The following ZNF385D variants were observed in gnomAD, a reference collection of about 807,000 sequenced individuals.
ZNF385D encodes the protein zinc finger protein 385D, also known as zinc finger protein 659.
ZNF385D carries 15 observed loss-of-function variants against 35.8 expected under a neutral mutation model. The ratio of observed to expected loss-of-function variants is 0.42; its 90% CI spans 0.28 to 0.64. ZNF385D has a LOEUF of 0.64. ZNF385D is among the 30% of genes least tolerant of loss of function. The pLI is 0.23. For missense variants in ZNF385D, 474 were observed against 494.6 expected, an observed-to-expected ratio of 0.96 and a Z score of 0.39; for synonymous variants, 212 against 186.8, an observed-to-expected ratio of 1.13 and a Z score of -1.10.
At chr3:21,526,804 A>C (rs996917070) in intron 3 of ZNF385D, among the ~76,000 whole-genome samples, 1 of 152,220 alleles carries the variant, frequency 6.6e-6, no homozygotes, top group African/African-American at 2.4e-5. Flanking sequence ...ATGCTTGGTC[A>C]TGAATTAGCT....
In ZNF385D at chr3:22,196,507, A is replaced by G. The variant is rs150209980; in HGVS notation, c.107-27472T>C. ...CTTTCTCTTGCATTTTGACTGAACTATTTTGTTTTTATTGCATTTATTCTC... is the reference window on the plus strand; with the variant it reads ...CTTTCTCTTGCATTTTGACTGAACTGTTTTGTTTTTATTGCATTTATTCTC... On this transcript the variant is annotated intron_variant, in intron 2 of 5. Transcript: ENST00000494108. Among the ~76,000 whole-genome samples the G allele has an allele frequency of 1.3e-3, 200 of 151,610 alleles. 2 individuals are homozygous for G. Among genetic ancestry groups the G allele is most frequent in the African/African-American group, 4.5e-3 (186 of 41,374 alleles).
chr3:22,269,808 G>C (rs1265235417), intron 2 of ZNF385D, among the ~76,000 whole-genome samples: 1 of 151,662 alleles, frequency 6.6e-6, no homozygotes, highest in Admixed American at 6.6e-5. Flanking sequence ...TCCTCTGCTT[G>C]TCTGAATCTC....
intron 2 of ZNF385D, among the ~76,000 whole-genome samples, chr3:22,359,846 C>T (rs935533278): frequency 2.0e-5 from 3 of 151,834 alleles, no homozygotes; most frequent in Non-Finnish European, 4.4e-5. Flanking sequence ...ATTTATATTT[C>T]TTGGCCATAT....
Position 21,632,236 on chromosome 3 carries a change from T to C in ZNF385D, c.165+32650A>G, listed in dbSNP as rs181569643. ...GGTAGAGAGATGGATACTAAATAAA[T>C]TTGTAAAATAATGTTGGATTTTTGG... On this transcript the variant is annotated intron_variant, in intron 2 of 7. Coordinates refer to ENST00000281523, the MANE Select transcript of ZNF385D (RefSeq NM_024697.3). Among the ~76,000 whole-genome samples, 146 of 152,174 alleles carry C rather than the reference T, an allele frequency of 9.6e-4. 2 individuals are homozygous for C. Among genetic ancestry groups the C allele is most frequent in the African/African-American group, 3.1e-3 (127 of 41,538 alleles).
At chr3:21,924,093 A>T (rs1035177870) in intron 3 of ZNF385D, among the ~76,000 whole-genome samples, 12 of 152,232 alleles carry the variant, frequency 7.9e-5, no homozygotes, top group African/African-American at 2.7e-4. Context: ...ATAATAAAAT[A>T]GCTCAATCAA....
At chr3:21,975,759 ACACT>A (rs1314184677) in intron 3 of ZNF385D, among the ~76,000 whole-genome samples, 4 of 133,746 alleles carry the variant, frequency 3.0e-5, no homozygotes, top group Non-Finnish European at 4.9e-5. Flanking sequence ...ATATATACAC[ACACT>A]ATGGTATCCA....
chr3:21,740,958 A>G (rs1176570342), intron 1 of ZNF385D, among the ~76,000 whole-genome samples: 1 of 152,170 alleles, frequency 6.6e-6, no homozygotes, highest in African/African-American at 2.4e-5. Flanking sequence ...AAAGTTCCCC[A>G]GGTGATTCTT....
intron 1 of ZNF385D, among the ~76,000 whole-genome samples, chr3:21,702,126 G>T (rs1428575539): frequency 6.6e-6 from 1 of 152,204 alleles, no homozygotes; most frequent in Admixed American, 6.5e-5. Flanking sequence ...CTTCTGTACT[G>T]CCCTAGCAGA....
At chr3:22,327,361 A>T (rs1395100728) in intron 2 of ZNF385D, among the ~76,000 whole-genome samples, 4 of 152,174 alleles carry the variant, frequency 2.6e-5, no homozygotes, top group African/African-American at 7.2e-5. Flanking sequence ...AGTAGAAAAA[A>T]ATCACCATGT....
intron 3 of ZNF385D, among the ~76,000 whole-genome samples, chr3:21,884,315 A>C (rs1698429427): frequency 1.3e-5 from 2 of 152,188 alleles, no homozygotes; most frequent in South Asian, 4.1e-4. Context: ...CTCTGAAAGT[A>C]GCCTTGCCTA....
chr3:21,477,444 AC>A (rs774383524), intron 4 of ZNF385D, among the ~76,000 whole-genome samples: 9 of 152,028 alleles, frequency 5.9e-5, no homozygotes, highest in Non-Finnish European at 1.2e-4. Context: ...ATAGTAATAA[AC>A]ATCAAAAACA....
At chr3:21,748,272 C>T (rs2069878192) in intron 1 of ZNF385D, among the ~76,000 whole-genome samples, 2 of 152,256 alleles carry the variant, frequency 1.3e-5, no homozygotes, top group Middle Eastern at 3.4e-3. Context: ...GAAAATATTA[C>T]ATCTTCCACC....
At chr3:21,915,434 G>A (rs1700148243) in intron 3 of ZNF385D, among the ~76,000 whole-genome samples, 1 of 152,026 alleles carries the variant, frequency 6.6e-6, no homozygotes, top group Admixed American at 6.6e-5. Context: ...GTACTATCAT[G>A]CCTCTTTTTA....
At chr3:21,862,422 C>T (rs1446337748) in intron 3 of ZNF385D, among the ~76,000 whole-genome samples, 1 of 151,668 alleles carries the variant, frequency 6.6e-6, no homozygotes, top group Non-Finnish European at 1.5e-5. Context: ...TCTTATATCA[C>T]AGTACGATTG....
Position 22,366,503 on chromosome 3 carries a change from A to T in ZNF385D, c.106+5947T>A, listed in dbSNP as rs1460006294. On this transcript the variant is annotated intron_variant, in intron 2 of 5. Coordinates refer to the ZNF385D transcript ENST00000494108. ...CACAATCTGATCAAAATTAAAACAT[A>T]TTAAAATAATGTACTTTAAAAATAA... Among the ~76,000 whole-genome samples the T allele has an allele frequency of 3.9e-5, 6 of 152,184 alleles. No homozygotes were observed. The East Asian group carries it at 1.2e-3, about 29-fold the overall frequency.
chr3:21,873,142 G>A (rs1032069325), intron 3 of ZNF385D, among the ~76,000 whole-genome samples: 1 of 152,026 alleles, frequency 6.6e-6, no homozygotes, highest in South Asian at 2.1e-4. Flanking sequence ...TATGTTACAG[G>A]TAGATAGCTA....
intron 3 of ZNF385D, among the ~76,000 whole-genome samples, chr3:22,107,620 C>T (rs1389230357): frequency 6.6e-6 from 1 of 152,012 alleles, no homozygotes; most frequent in Non-Finnish European, 1.5e-5. Flanking sequence ...TATATGCTTA[C>T]TGCAGGAAAA....
chr3:22,030,712 A>G (rs1481384339), intron 3 of ZNF385D, among the ~76,000 whole-genome samples: 4 of 151,940 alleles, frequency 2.6e-5, no homozygotes, highest in Admixed American at 6.6e-5. Flanking sequence ...CCCCTCCTAA[A>G]TCTCATGTCT....
At chr3:21,737,172 T>C (rs1409648320) in intron 1 of ZNF385D, among the ~76,000 whole-genome samples, 1 of 152,162 alleles carries the variant, frequency 6.6e-6, no homozygotes, top group Non-Finnish European at 1.5e-5. Flanking sequence ...ACTCCTGACC[T>C]CAAGTGATCC....
Sources: gnomAD v4.1 joint callset for allele counts (sites outside exome capture counted in the v4.1 genomes callset) on GRCh38, gnomAD v4.1.1 for gene constraint, MANE v1.5 for transcripts, NCBI Gene and HGNC (gene_info 2026-07-23, HGNC 2026-07-21) for gene names.